The following LATS1 variants were observed in gnomAD, a reference collection of about 807,000 sequenced individuals.
The protein encoded by LATS1 is serine/threonine-protein kinase LATS1.
Under a neutral mutation model 106.6 loss-of-function variants are expected in LATS1, and 25 were observed. That is an observed-to-expected ratio of 0.23 (90% confidence interval 0.17 to 0.33). LATS1 has a LOEUF of 0.33. Ranked by LOEUF, LATS1 falls within the 10% of genes least tolerant of loss-of-function variation. LATS1 has a pLI of 1.00. For missense variants in LATS1, 1,040 were observed against 1,382.6 expected, an observed-to-expected ratio of 0.75 and a Z score of 3.93; for synonymous variants, 465 against 455.6, an observed-to-expected ratio of 1.02 and a Z score of -0.26.
At position 149,660,152 on chromosome 6, in the gene LATS1, G is replaced by A. The variant is rs866433875; in HGVS notation, c.*1577C>T. 1.7e-5 allele frequency: 4 copies of A among 232,420 alleles called. No individual in the cohort carries two copies. The highest frequency in any genetic ancestry group is 8.8e-5 in the African/African-American group (4 of 45,294). 14.4% of individuals were successfully genotyped at this position (232,420 alleles called of 1,614,324 possible). ...TGAAACTGCATGCAACATTGTATGT[G>A]TATGTGTGGTTTTTTTTTCTAGGAA... On this transcript the variant is annotated 3_prime_UTR_variant, in exon 8 of 8. Transcript: ENST00000543571.
intron 2 of LATS1, among the ~76,000 whole-genome samples, chr6:149,698,353 C>T (rs1021911226): frequency 6.6e-6 from 1 of 151,296 alleles, no homozygotes; most frequent in Non-Finnish European, 1.5e-5. Flanking sequence ...AGTGATCCTC[C>T]CACCTCACCC....
intron 7 of LATS1, among the ~76,000 whole-genome samples, chr6:149,664,314 T>C (rs1346051982): frequency 6.8e-6 from 1 of 146,236 alleles, no homozygotes; most frequent in Admixed American, 7.1e-5. Context: ...GAATAGCACA[T>C]GTATAATCAT....
In LATS1 at chr6:149,702,059, T is replaced by C; in HGVS notation, c.68A>G (p.Tyr23Cys). 1 of 1,614,122 alleles carries C rather than the reference T, an allele frequency of 6.2e-7. No individual in the cohort carries two copies. Among genetic ancestry groups the C allele is most frequent in the Non-Finnish European group, 8.5e-7 (1 of 1,180,006 alleles). The change falls in exon 2 of 8, where the codon TAT (tyrosine) becomes TGT (cysteine). Residue 23 changes from tyrosine to cysteine, a missense_variant. By Grantham distance (194) the Tyr-to-Cys change is radical (BLOSUM62 -2). Coordinates refer to ENST00000543571, the MANE Select transcript of LATS1 (RefSeq NM_004690.4). ...TAACATTTGCCGGCTACTGACAGTATAGTTACTGGCAGGAAAGGTCTTAGG... is the reference window on the plus strand; with the variant it reads ...TAACATTTGCCGGCTACTGACAGTACAGTTACTGGCAGGAAAGGTCTTAGG... ...MRPKTFPASN[Y>C]TVSSRQMLQE...
At chr6:149,682,832 CG>C (rs780311615) in intron 4 of LATS1, 4 of 505,542 alleles carry the variant, frequency 7.9e-6, no homozygotes, top group Non-Finnish European at 1.4e-5. Flanking sequence ...AACTGTATAC[CG>C]CAAATTATAT....
chr6:149,683,417 G>C lies in LATS1; in HGVS notation c.1672C>G (p.Pro558Ala). 1 of 1,614,186 alleles carries C rather than the reference G, an allele frequency of 6.2e-7. No homozygotes were observed. Among genetic ancestry groups the C allele is most frequent in the Non-Finnish European group, 8.5e-7 (1 of 1,180,022 alleles). The part of the protein sequence containing the change: ...EAPNYQGPPP[P>A]YPKHLLHQNP... Reference sequence around the variant, plus strand: ...TGGTGCAGCAGATGTTTTGGGTAGGGTGGTGGTGGTCCTTGATAGTTTGGA... The same window carrying C: ...TGGTGCAGCAGATGTTTTGGGTAGGCTGGTGGTGGTCCTTGATAGTTTGGA... The change falls in exon 4 of 8, where the codon CCC becomes GCC. Residue 558 changes from proline (P) to alanine (A), a missense_variant. Transcript: ENST00000543571.
chr6:149,678,867 T>G (rs1369408993), intron 5 of LATS1, among the ~76,000 whole-genome samples: 1 of 152,116 alleles, frequency 6.6e-6, no homozygotes, highest in African/African-American at 2.4e-5. Flanking sequence ...AGTGACATTG[T>G]GAGGATAAAA....
In LATS1 at chr6:149,659,415, C is replaced by T. The variant is rs759846891; in HGVS notation, c.*2314G>A. Reference sequence around the variant, plus strand: ...GTTGAGGATGCAGTGAGCTGTGAAGCGCCACTGCCCTCCAGCCTGGGTGAC... The same window carrying T: ...GTTGAGGATGCAGTGAGCTGTGAAGTGCCACTGCCCTCCAGCCTGGGTGAC... On this transcript the variant is annotated 3_prime_UTR_variant, in exon 8 of 8. Transcript: ENST00000543571. 15 of 211,844 alleles carry T rather than the reference C, an allele frequency of 7.1e-5. No individual in the cohort carries two copies. The highest frequency in any genetic ancestry group is 1.1e-4 in the African/African-American group (5 of 44,134). 13.1% of individuals were successfully genotyped at this position (211,844 alleles called of 1,614,324 possible).
chr6:149,705,520 T>G (rs903568903), intron 1 of LATS1, among the ~76,000 whole-genome samples: 2 of 152,100 alleles, frequency 1.3e-5, no homozygotes, highest in Non-Finnish European at 2.9e-5. Flanking sequence ...ACTTTGGGTT[T>G]CAACTCTAAG....
intron 1 of LATS1, among the ~76,000 whole-genome samples, chr6:149,712,755 A>G (rs1231123465): frequency 1.3e-5 from 2 of 152,026 alleles, no homozygotes; most frequent in African/African-American, 4.8e-5. Context: ...AAACTTTTGG[A>G]GGCTGAGGTG....
intron 1 of LATS1, among the ~76,000 whole-genome samples, chr6:149,707,335 A>T (rs1246221056): frequency 2.0e-5 from 3 of 152,056 alleles, no homozygotes; most frequent in Admixed American, 6.6e-5. Flanking sequence ...TCTTTTACAT[A>T]ATCATGGGGA....
intron 2 of LATS1, among the ~76,000 whole-genome samples, chr6:149,695,486 C>T (rs921719264): frequency 1.1e-4 from 17 of 152,070 alleles, no homozygotes; most frequent in African/African-American, 4.1e-4. Flanking sequence ...CCAGCCTGAC[C>T]AACATGGTAA....
chr6:149,710,360 A>C (rs1029895199), intron 1 of LATS1, among the ~76,000 whole-genome samples: 2 of 152,184 alleles, frequency 1.3e-5, no homozygotes, highest in African/African-American at 4.8e-5. Context: ...TTTGGGAAGC[A>C]TATTTGGCTT....
intron 1 of LATS1, among the ~76,000 whole-genome samples, chr6:149,711,240 TAA>T (rs879453189): frequency 2.8e-5 from 4 of 143,128 alleles, no homozygotes; most frequent in Non-Finnish European, 3.1e-5. Context: ...ACTGTTTTGT[TAA>T]AAAAAAAAAA....
At position 149,684,238 on chromosome 6, in the gene LATS1, A is replaced by T; in HGVS notation, c.851T>A (p.Val284Glu). ...TGGGACAGGAGAGATTCGGGAGATT[A>T]CGTATTCCATGTTTCCAGAATAGCG... ...TKRYSGNMEYVISRISPVPPG... is the reference protein window; with the variant it reads ...TKRYSGNMEYEISRISPVPPG... Residue 284 changes from valine to glutamate, a missense_variant, in exon 4 of 8, where the codon GTA becomes GAA. Val to Glu is a moderately radical substitution (Grantham distance 121, BLOSUM62 -2). Transcript: ENST00000543571. The T allele has an allele frequency of 6.2e-7, 1 of 1,614,114 alleles. No homozygotes were observed. The highest frequency in any genetic ancestry group is 8.5e-7 in the Non-Finnish European group (1 of 1,180,014).
chr6:149,664,765 C>T (rs568151097), intron 7 of LATS1, among the ~76,000 whole-genome samples: 5 of 152,240 alleles, frequency 3.3e-5, no homozygotes, highest in East Asian at 1.9e-4. Flanking sequence ...ATGTTGTCCA[C>T]GCTGGTCTTG....
Position 149,683,151 on chromosome 6 carries a change from A to G in LATS1, c.1938T>C (p.His646=). Residue 646 remains histidine (H), a synonymous_variant, in exon 4 of 8, where the codon CAT becomes CAC. Transcript: ENST00000543571. ...GATGAGATTTGAGTACATTTTCTAC[A>G]TGTTGCTCCATAAAGAATTTAAATG... The part of the protein sequence containing the change: ...PQAFKFFMEQ[H]VENVLKSHQQ... 1 of 1,613,350 alleles carries G rather than the reference A, an allele frequency of 6.2e-7. No homozygotes were observed. Among genetic ancestry groups the G allele is most frequent in the Non-Finnish European group, 8.5e-7 (1 of 1,179,416 alleles).
rs35062371 is a variant in LATS1 at position 149,666,139 on chromosome 6, C to CAAAA, written c.2884-3905_2884-3902dup. 8.9e-3 allele frequency among the ~76,000 whole-genome samples: 510 copies of CAAAA among 57,036 alleles called. 23 individuals are homozygous for CAAAA. Among genetic ancestry groups the CAAAA allele is most frequent in the African/African-American group, 0.036 (489 of 13,572 alleles). 37.4% of individuals were successfully genotyped at this position (57,036 alleles called of 152,430 possible). A position where few individuals can be genotyped will look rare whatever the true frequency, so the allele number is the denominator to read the frequency against. On this transcript the variant is annotated intron_variant, in intron 7 of 7. Transcript: ENST00000543571. ...GGGTGACAGAGAGAGACTCCGTCTCCAAAAAAAAAAAAAAAAAAAAAATCC... is the reference window on the plus strand; with the variant it reads ...GGGTGACAGAGAGAGACTCCGTCTCCAAAAAAAAAAAAAAAAAAAAAAAAAATCC...
chr6:149,673,076 TCTTC>T (rs1319732281), intron 7 of LATS1, among the ~76,000 whole-genome samples: 9 of 148,796 alleles, frequency 6.0e-5, no homozygotes, highest in African/African-American at 2.0e-4. Context: ...ATTTTTTACT[TCTTC>T]CTTTTCTTTT....
At chr6:149,686,478 G>A (rs555173392) in intron 3 of LATS1, among the ~76,000 whole-genome samples, 1 of 152,114 alleles carries the variant, frequency 6.6e-6, no homozygotes, top group African/African-American at 2.4e-5. Context: ...TTTCCACCAT[G>A]CCCTCCGGAT....
Sources: gnomAD v4.1 joint callset for allele counts (sites outside exome capture counted in the v4.1 genomes callset) on GRCh38, gnomAD v4.1.1 for gene constraint, MANE v1.5 for transcripts, NCBI Gene and HGNC (gene_info 2026-07-23, HGNC 2026-07-21) for gene names.